The following TBC1D8 variants were observed in gnomAD, a reference collection of about 807,000 sequenced individuals.
TBC1D8 encodes the protein BUB2-like protein 1.
TBC1D8 carries 65 observed loss-of-function variants against 118.8 expected under a neutral mutation model. That is an observed-to-expected ratio of 0.55 (90% confidence interval 0.45 to 0.67). The LOEUF is 0.67. TBC1D8 is among the 30% of genes least tolerant of loss of function. The pLI is 0.00. For synonymous variants in TBC1D8, 566 were observed against 595.8 expected (o/e 0.95, Z 0.73); for missense variants, 1,376 against 1,471.2 (o/e 0.94, Z 1.06).
chr2:101,128,005 A>AT (rs2104249444), intron 1 of TBC1D8, among the ~76,000 whole-genome samples: 1 of 152,298 alleles, frequency 6.6e-6, no homozygotes, highest in East Asian at 1.9e-4. Flanking sequence ...TACTCATAAC[A>AT]TTCTTATTAG....
intron 17 of TBC1D8, chr2:101,019,160 A>G: frequency 7.2e-7 from 1 of 1,379,524 alleles, no homozygotes; most frequent in East Asian, 2.5e-5. Context: ...TTACCCTGGC[A>G]GAGGGCCAGG....
At chr2:101,068,408 C>T (rs969201542) in intron 2 of TBC1D8, 3 of 290,546 alleles carry the variant, frequency 1.0e-5, no homozygotes, top group South Asian at 4.4e-5. Flanking sequence ...AAGACCAGAA[C>T]GTTCAGGAAA....
chr2:101,083,515 T>C (rs948082819), intron 2 of TBC1D8, among the ~76,000 whole-genome samples: 1 of 152,166 alleles, frequency 6.6e-6, no homozygotes, highest in Non-Finnish European at 1.5e-5. Flanking sequence ...CATGTTAAGT[T>C]AAAAATAATA....
chr2:101,105,592 T>TAA lies in TBC1D8; in HGVS notation c.128-15230_128-15229dup, dbSNP rs55649821. 3.6e-3 allele frequency among the ~76,000 whole-genome samples: 445 copies of TAA among 124,668 alleles called. 9 individuals are homozygous for TAA. The East Asian group carries it at 0.042, about 12-fold the overall frequency. The allele number at this position is 124,668 out of a possible 152,430, so 81.8% of individuals were successfully genotyped here. On this transcript the variant is annotated intron_variant, in intron 1 of 19. Coordinates refer to ENST00000409318, the MANE Select transcript of TBC1D8 (RefSeq NM_001330348.2). ...TGACAGACCAGACTCTGTCTCAAATTAAAAAAAAAAAAAAAACATATATAT... is the reference window on the plus strand; with the variant it reads ...TGACAGACCAGACTCTGTCTCAAATTAAAAAAAAAAAAAAAAAACATATATAT...
chr2:101,090,938 C>T (rs2105457685), intron 1 of TBC1D8, among the ~76,000 whole-genome samples: 1 of 152,352 alleles, frequency 6.6e-6, no homozygotes, highest in Admixed American at 6.5e-5. Context: ...TTATCCTCCT[C>T]TCCAATATGG....
intron 2 of TBC1D8, among the ~76,000 whole-genome samples, chr2:101,071,849 A>T (rs1445888399): frequency 6.6e-6 from 1 of 152,250 alleles, no homozygotes; most frequent in Admixed American, 6.5e-5. Flanking sequence ...CTACAAATTT[A>T]AAAAATCAAA....
intron 5 of TBC1D8, among the ~76,000 whole-genome samples, chr2:101,049,319 C>T (rs1164233100): frequency 6.6e-6 from 1 of 152,144 alleles, no homozygotes; most frequent in Non-Finnish European, 1.5e-5. Flanking sequence ...GCAAACAAAC[C>T]ACGTAGCATA....
intron 10 of TBC1D8, chr2:101,032,686 A>G (rs1044502311): frequency 3.8e-5 from 12 of 316,956 alleles, no homozygotes; most frequent in Middle Eastern, 9.1e-4. Context: ...TGTTTGTTCA[A>G]GCAGACACAC....
chr2:101,150,875 G>A (rs1160441767), intron 1 of TBC1D8, among the ~76,000 whole-genome samples: 1 of 152,036 alleles, frequency 6.6e-6, no homozygotes, highest in South Asian at 2.1e-4. Flanking sequence ...CCAGCTCACC[G>A]GGCCAGGCGG....
chr2:101,047,077 C>T (rs1361008365), intron 5 of TBC1D8, among the ~76,000 whole-genome samples: 1 of 152,226 alleles, frequency 6.6e-6, no homozygotes, highest in Non-Finnish European at 1.5e-5. Flanking sequence ...CCGCTTCCCT[C>T]CCTCTGTTCC....
intron 1 of TBC1D8, among the ~76,000 whole-genome samples, chr2:101,136,466 C>A (rs796485884): frequency 3.9e-5 from 6 of 152,282 alleles, no homozygotes; most frequent in African/African-American, 1.2e-4. Flanking sequence ...AAATAAAATT[C>A]TTTTCTTTAT....
intron 2 of TBC1D8, among the ~76,000 whole-genome samples, chr2:101,079,832 C>T (rs1405062378): frequency 6.6e-6 from 1 of 151,750 alleles, no homozygotes; most frequent in Non-Finnish European, 1.5e-5. Flanking sequence ...ACTACAGGCG[C>T]CCGCCACCAC....
At chr2:101,052,381 C>CGAA (rs1159882113) in intron 4 of TBC1D8, among the ~76,000 whole-genome samples, 3 of 152,084 alleles carry the variant, frequency 2.0e-5, no homozygotes, top group African/African-American at 7.2e-5. Context: ...AACAGAAAGT[C>CGAA]TAAACATCTG....
intron 5 of TBC1D8, 55 bp downstream of exon 5, chr2:101,050,346 A>C: frequency 6.4e-7 from 1 of 1,568,852 alleles, no homozygotes; most frequent in Non-Finnish European, 8.7e-7. Flanking sequence ...AGGGATGGGC[A>C]CAGCTTATGG....
chr2:101,037,501 T>C, intron 8 of TBC1D8, 31 bp downstream of exon 8: 1 of 1,606,306 alleles, frequency 6.2e-7, no homozygotes, highest in Non-Finnish European at 8.5e-7. Context: ...CTCAGCTTTG[T>C]GGTCCAGCTT....
chr2:101,066,944 C>CAAAAAAAAAAAAA (rs543680787), intron 2 of TBC1D8, among the ~76,000 whole-genome samples: 1 of 114,952 alleles, frequency 8.7e-6, no homozygotes, highest in Non-Finnish European at 1.7e-5. Context: ...GAGAGTATCC[C>CAAAAAAAAAAAAA]AAAAAAAAAA....
intron 1 of TBC1D8, among the ~76,000 whole-genome samples, chr2:101,126,184 G>A (rs1406031029): frequency 1.3e-5 from 2 of 152,086 alleles, no homozygotes; most frequent in Non-Finnish European, 2.9e-5. Flanking sequence ...AGAGAGAGAG[G>A]AGATGGTGCC....
At chr2:101,109,250 G>A (rs1677423910) in intron 1 of TBC1D8, among the ~76,000 whole-genome samples, 1 of 152,152 alleles carries the variant, frequency 6.6e-6, no homozygotes, top group South Asian at 2.1e-4. Context: ...AAAGCTGGCA[G>A]GCAGGGCAGT....
Position 101,151,280 on chromosome 2 carries a change from C to G in TBC1D8, c.-27G>C, listed in dbSNP as rs1263063331. On this transcript the variant is annotated 5_prime_UTR_variant, in exon 1 of 20. Coordinates refer to ENST00000409318, the MANE Select transcript of TBC1D8 (RefSeq NM_001330348.2). ...GCGGCGGTCCGGCCGCGCCCGCCGG[C>G]CCCAGCTCACATCTCCCCGGCCGCC... 7 of 1,134,750 alleles carry G rather than the reference C, an allele frequency of 6.2e-6. No individual in the cohort carries two copies. The South Asian group carries it at 2.3e-4, about 37-fold the overall frequency. 70.3% of individuals were successfully genotyped at this position (1,134,750 alleles called of 1,614,324 possible). A position where few individuals can be genotyped will look rare whatever the true frequency, so the allele number is the denominator to read the frequency against.
Sources: allele counts gnomAD v4.1 joint callset (sites outside exome capture counted in the v4.1 genomes callset), GRCh38; gene constraint gnomAD v4.1.1; transcripts MANE v1.5; gene names NCBI Gene and HGNC (gene_info 2026-07-23, HGNC 2026-07-21).